The following SEPTIN7 variants were observed in gnomAD, a reference collection of about 807,000 sequenced individuals.
SEPTIN7 encodes septin 7, also known as septin-7.
In SEPTIN7, 10 loss-of-function variants were observed where a neutral mutation model predicts 63.3. The ratio of observed to expected loss-of-function variants is 0.16; its 90% CI spans 0.10 to 0.27. The LOEUF is 0.27. SEPTIN7 is among the 10% of genes least tolerant of loss of function. SEPTIN7 has a pLI of 1.00. For missense variants in SEPTIN7, 310 were observed against 521.0 expected (o/e 0.59, Z 3.94); for synonymous variants, 131 against 165.3 (o/e 0.79, Z 1.59).
intron 1 of SEPTIN7, among the ~76,000 whole-genome samples, chr7:35,829,128 CTTTTTTTTTTT>C (rs71553032): frequency 2.3e-4 from 14 of 61,066 alleles, no homozygotes; most frequent in Admixed American, 9.2e-4. Context: ...CATGGACCTT[CTTTTTTTTTTT>C]TTTTTTTTTT....
intron 1 of SEPTIN7, among the ~76,000 whole-genome samples, chr7:35,802,873 C>G (rs1014653082): frequency 6.6e-6 from 1 of 152,050 alleles, no homozygotes; most frequent in African/African-American, 2.4e-5. Flanking sequence ...TTCAGCTGTT[C>G]AGTGGGTGGG....
intron 6 of SEPTIN7, among the ~76,000 whole-genome samples, chr7:35,876,411 A>G (rs1056023480): frequency 6.6e-6 from 1 of 152,228 alleles, no homozygotes; most frequent in Middle Eastern, 3.2e-3. Flanking sequence ...GGCAGTTTAA[A>G]TTTGTCATGA....
At chr7:35,891,057 G>A (rs1787609515) in intron 11 of SEPTIN7, among the ~76,000 whole-genome samples, 1 of 152,134 alleles carries the variant, frequency 6.6e-6, no homozygotes, top group Admixed American at 6.5e-5. Context: ...ATTTGTTCTT[G>A]GTTACCTTCT....
At chr7:35,832,747 T>G in intron 2 of SEPTIN7, 51 bp from the exon 3 acceptor site, 2 of 955,876 alleles carry the variant, frequency 2.1e-6, no homozygotes, top group South Asian at 2.6e-5. Flanking sequence ...AAAGTGTGAT[T>G]GAATAGTACT....
intron 1 of SEPTIN7, among the ~76,000 whole-genome samples, chr7:35,806,007 C>G (rs373998541): frequency 1.8e-4 from 28 of 152,250 alleles, no homozygotes; most frequent in African/African-American, 6.3e-4. Flanking sequence ...CAGTATTTAC[C>G]AGCATCCCTG....
At chr7:35,826,598 T>G (rs1562751627) in intron 1 of SEPTIN7, among the ~76,000 whole-genome samples, 1 of 151,970 alleles carries the variant, frequency 6.6e-6, no homozygotes, top group Non-Finnish European at 1.5e-5. Context: ...AGTTTTTTAT[T>G]AAACATCTCA....
intron 11 of SEPTIN7, 31 bp from the exon 12 acceptor site, chr7:35,898,217 A>G (rs1355629422): frequency 6.8e-7 from 1 of 1,478,942 alleles, no homozygotes. Context: ...ATTCACAGAC[A>G]TTTAATGATT....
the SEPTIN7 span, among the ~76,000 whole-genome samples, chr7:35,914,672 TAC>T: frequency 0.46 from 65,683 of 142,050 alleles, 15,969 homozygotes; most frequent in Admixed American, 0.57. Flanking sequence ...TATATATATA[TAC>T]ACACACACAC....
At chr7:35,801,459 G>GCGGTGA (rs1787965018) in intron 1 of SEPTIN7, among the ~76,000 whole-genome samples, 189 bp downstream of exon 1, 1 of 151,846 alleles carries the variant, frequency 6.6e-6, no homozygotes, top group South Asian at 2.1e-4. Context: ...GGAGGCGGCG[G>GCGGTGA]CGGTGACAGT....
intron 3 of SEPTIN7, among the ~76,000 whole-genome samples, chr7:35,839,465 T>C (rs1784294358): frequency 6.6e-6 from 1 of 152,246 alleles, no homozygotes; most frequent in Admixed American, 6.5e-5. Context: ...TTAACGATAA[T>C]GCTTAATGGC....
downstream of SEPTIN7, among the ~76,000 whole-genome samples, chr7:35,907,394 T>A (rs888361671): frequency 3.9e-5 from 6 of 152,208 alleles, no homozygotes; most frequent in African/African-American, 1.4e-4. Flanking sequence ...AGTAGTTACA[T>A]GTGTTATTTA....
intron 10 of SEPTIN7, among the ~76,000 whole-genome samples, chr7:35,889,456 T>C (rs1787500242): frequency 6.6e-6 from 1 of 152,204 alleles, no homozygotes; most frequent in Non-Finnish European, 1.5e-5. Context: ...CACATTTTGT[T>C]CCCAAAGGGG....
Position 35,872,760 on chromosome 7 carries a change from G to A in SEPTIN7, c.371G>A (p.Ser124Asn). 2 of 1,607,164 alleles carry A rather than the reference G, an allele frequency of 1.2e-6. No individual in the cohort carries two copies. Among genetic ancestry groups the A allele is most frequent in the Non-Finnish European group, 1.7e-6 (2 of 1,173,796 alleles). ...TPGFGDAVDNSNCWQPVIDYI... is the reference protein window; with the variant it reads ...TPGFGDAVDNNNCWQPVIDYI... ...GGATTTGGAGATGCAGTGGATAATA[G>A]TAATTGGTAAGAAGGGTTTGTCCTC... Residue 124 changes from serine (S) to asparagine (N), a missense_variant, in exon 5 of 14, where the codon AGT becomes AAT. Coordinates refer to ENST00000350320, the MANE Select transcript of SEPTIN7 (RefSeq NM_001788.6).
intron 3 of SEPTIN7, among the ~76,000 whole-genome samples, chr7:35,839,644 C>T (rs546399269): frequency 2.0e-4 from 31 of 152,210 alleles, no homozygotes; most frequent in Admixed American, 8.5e-4. Context: ...CCTCCACCTC[C>T]CAGGTTCAAG....
At chr7:35,846,328 C>CT (rs35995426) in intron 3 of SEPTIN7, among the ~76,000 whole-genome samples, 2 of 152,152 alleles carry the variant, frequency 1.3e-5, no homozygotes, top group South Asian at 2.1e-4. Context: ...CACACACACA[C>CT]TTTTTTTATT....
intron 1 of SEPTIN7, among the ~76,000 whole-genome samples, chr7:35,820,217 A>G (rs887856420): frequency 1.3e-5 from 2 of 152,108 alleles, no homozygotes; most frequent in African/African-American, 4.8e-5. Flanking sequence ...GGTTTTTAAC[A>G]GTTTGGTTAT....
rs1787921261 is a variant in SEPTIN7, at chr7:35,801,112, A to AGCTACGCCGGGCG, written c.-90_-78dup. The AGCTACGCCGGGCG allele has an allele frequency of 2.0e-6, 2 of 982,360 alleles. No individual in the cohort carries two copies. The highest frequency in any genetic ancestry group is 1.8e-5 in the South Asian group (1 of 54,288). The allele number at this position is 982,360 out of a possible 1,614,324, so 60.9% of individuals were successfully genotyped here. A position where few individuals can be genotyped will look rare whatever the true frequency, so the allele number is the denominator to read the frequency against. ...CTGCTGTAGCGTGCGTAAGCAAGGC[A>AGCTACGCCGGGCG]GCTACGCCGGGCGGCTACGCTGCGG... On this transcript the variant is annotated 5_prime_UTR_variant, in exon 1 of 14. Coordinates refer to ENST00000350320, the MANE Select transcript of SEPTIN7 (RefSeq NM_001788.6).
intron 3 of SEPTIN7, among the ~76,000 whole-genome samples, chr7:35,849,556 G>T (rs771329107): frequency 6.6e-6 from 1 of 152,152 alleles, no homozygotes; most frequent in Admixed American, 6.5e-5. Context: ...GGGATGCCTG[G>T]TCTAGATTGT....
intron 1 of SEPTIN7, among the ~76,000 whole-genome samples, chr7:35,823,165 CT>C (rs1783316910): frequency 6.6e-6 from 1 of 152,136 alleles, no homozygotes; most frequent in African/African-American, 2.4e-5. Flanking sequence ...CTTCTAAAAT[CT>C]TAATTGTATA....
Sources: gnomAD v4.1 joint callset for allele counts (sites outside exome capture counted in the v4.1 genomes callset) on GRCh38, gnomAD v4.1.1 for gene constraint, MANE v1.5 for transcripts, NCBI Gene and HGNC (gene_info 2026-07-23, HGNC 2026-07-21) for gene names.